EPHA5: variants seen among roughly 807,000 people sequenced by gnomAD.
EPHA5 encodes ephrin type-A receptor 5.
A neutral mutation model predicts 105.0 loss-of-function variants in EPHA5; 60 were observed. The ratio of observed to expected loss-of-function variants is 0.57; its 90% CI spans 0.46 to 0.71. EPHA5 has a LOEUF of 0.71. EPHA5 is among the 30% of genes least tolerant of loss of function. The probability of loss-of-function intolerance (pLI) is 0.00; values close to 1 mark genes in which losing one functional copy is unlikely to be tolerated. For synonymous variants in EPHA5, 513 were observed against 449.1 expected (o/e 1.14, Z -1.80); for missense variants, 1,218 against 1,274.7 (o/e 0.96, Z 0.68).
intron 3 of EPHA5, among the ~76,000 whole-genome samples, chr4:65,559,220 T>C (rs974449422): frequency 6.6e-6 from 1 of 152,204 alleles, no homozygotes; most frequent in Non-Finnish European, 1.5e-5. Context: ...ATGTATTTAT[T>C]GTTCAACAAT....
intron 8 of EPHA5, among the ~76,000 whole-genome samples, chr4:65,397,104 A>G (rs542331248): frequency 4.6e-5 from 7 of 152,334 alleles, no homozygotes; most frequent in South Asian, 4.1e-4. Context: ...CCAATTTGCA[A>G]TGGGGACCAC....
intron 3 of EPHA5, among the ~76,000 whole-genome samples, chr4:65,519,901 T>G (rs575425585): frequency 2.6e-5 from 4 of 152,240 alleles, no homozygotes; most frequent in Non-Finnish European, 5.9e-5. Context: ...TGGAAGAACA[T>G]TCCATGCTCA....
chr4:65,348,045 C>T lies in EPHA5; in HGVS notation c.2595+9G>A, dbSNP rs2148841375. On this transcript the variant is annotated intron_variant, in intron 14 of 16. Coordinates refer to ENST00000613740, the MANE Select transcript of EPHA5 (RefSeq NM_001281766.3). ...TTGTCAAGTTGGGAAAGAGTAGTTC[C>T]ATACTCACATCTTGATTGGTCATCT... The T allele has an allele frequency of 6.3e-7, 1 of 1,594,496 alleles. No homozygotes were observed. Among genetic ancestry groups the T allele is most frequent in the Non-Finnish European group, 8.5e-7 (1 of 1,171,924 alleles).
intron 16 of EPHA5, among the ~76,000 whole-genome samples, chr4:65,328,965 C>A (rs535397770): frequency 2.6e-5 from 4 of 151,362 alleles, no homozygotes; most frequent in Admixed American, 2.0e-4. Flanking sequence ...CTGATGATAA[C>A]AGGAACCTCT....
chr4:65,555,555 T>TAA (rs34149071), intron 3 of EPHA5, among the ~76,000 whole-genome samples: 31,920 of 143,888 alleles, frequency 0.22, 4,199 homozygotes, highest in Middle Eastern at 0.36. Flanking sequence ...AAAATTTTTC[T>TAA]AAAAAAAAAA....
intron 1 of EPHA5, among the ~76,000 whole-genome samples, chr4:65,648,294 C>G (rs1171183432): frequency 6.6e-6 from 1 of 152,170 alleles, no homozygotes; most frequent in African/African-American, 2.4e-5. Context: ...CACTTTGACT[C>G]CACTACTTTA....
chr4:65,503,864 T>TA, intron 3 of EPHA5, among the ~76,000 whole-genome samples: 1 of 151,284 alleles, frequency 6.6e-6, no homozygotes, highest in Admixed American at 6.6e-5. Context: ...TACACATTTT[T>TA]AAAAAGTCAT....
chr4:65,637,247 G>A (rs1747209395), intron 2 of EPHA5, among the ~76,000 whole-genome samples: 1 of 132,506 alleles, frequency 7.5e-6, no homozygotes, highest in Non-Finnish European at 1.6e-5. Context: ...TTTTCAGTTA[G>A]GTCCCTCCAG....
At chr4:65,599,489 T>C (rs1392107867) in intron 3 of EPHA5, among the ~76,000 whole-genome samples, 1 of 152,132 alleles carries the variant, frequency 6.6e-6, no homozygotes, top group Non-Finnish European at 1.5e-5. Context: ...TGAGTCATTC[T>C]ATTACATAAG....
intron 5 of EPHA5, among the ~76,000 whole-genome samples, chr4:65,434,449 T>G (rs1725287121): frequency 6.6e-6 from 1 of 152,138 alleles, no homozygotes; most frequent in Admixed American, 6.6e-5. Flanking sequence ...CTAATATCTT[T>G]ATTATGGATT....
intron 5 of EPHA5, among the ~76,000 whole-genome samples, chr4:65,448,056 C>T (rs977542390): frequency 1.3e-5 from 2 of 150,962 alleles, no homozygotes; most frequent in African/African-American, 2.4e-5. Flanking sequence ...AAAATAATAC[C>T]AATATCAATT....
At chr4:65,470,277 C>T (rs1210062731) in intron 5 of EPHA5, among the ~76,000 whole-genome samples, 1 of 151,628 alleles carries the variant, frequency 6.6e-6, no homozygotes, top group Non-Finnish European at 1.5e-5. Flanking sequence ...ACTGCAACCT[C>T]TGCCTCCAGG....
At chr4:65,396,197 C>T (rs752947989) in intron 8 of EPHA5, among the ~76,000 whole-genome samples, 12 of 152,214 alleles carry the variant, frequency 7.9e-5, no homozygotes, top group Non-Finnish European at 1.8e-4. Flanking sequence ...ACTGTTAAAA[C>T]CTTGCTGGTG....
At chr4:65,406,597 T>A (rs1196057031) in intron 7 of EPHA5, among the ~76,000 whole-genome samples, 1 of 152,118 alleles carries the variant, frequency 6.6e-6, no homozygotes, top group East Asian at 1.9e-4. Context: ...TGTATTTTTG[T>A]TTTTTATCCT....
At chr4:65,578,635 AT>A (rs1741304144) in intron 3 of EPHA5, among the ~76,000 whole-genome samples, 1 of 152,214 alleles carries the variant, frequency 6.6e-6, no homozygotes, top group Non-Finnish European at 1.5e-5. Context: ...GAAACCTTTA[AT>A]TTTTGCAATT....
rs1437550554 is a variant in EPHA5 at position 65,601,875 on chromosome 4, C to T, written c.676G>A (p.Val226Met). The change falls in exon 3 of 17, where the codon GTG becomes ATG. Residue 226 changes from valine (V) to methionine (M), a missense_variant. By Grantham distance (21) the Val-to-Met change is conservative (BLOSUM62 1). Transcript: ENST00000613740. ...GGGCATTTTTTATAGTATACACGCA[C>T]AGAAACCAGAGCAATGCAAGCACCA... ...DVGACIALVS[V>M]RVYYKKCPSV... 7.4e-6 allele frequency: 12 copies of T among 1,614,136 alleles called. No individual in the cohort carries two copies. Among genetic ancestry groups the T allele is most frequent in the Non-Finnish European group, 9.3e-6 (11 of 1,180,010 alleles).
chr4:65,331,311 C>T (rs771181574), intron 16 of EPHA5: 6 of 1,034,582 alleles, frequency 5.8e-6, no homozygotes, highest in Non-Finnish European at 7.0e-6. Flanking sequence ...CAACTTACAA[C>T]CTTAAAGAAC....
intron 5 of EPHA5, among the ~76,000 whole-genome samples, chr4:65,421,339 A>G (rs1402909997): frequency 6.6e-6 from 1 of 152,140 alleles, no homozygotes; most frequent in African/African-American, 2.4e-5. Flanking sequence ...TAACATGTCT[A>G]AAAGACATGG....
At chr4:65,473,905 T>C (rs115435475) in intron 5 of EPHA5, among the ~76,000 whole-genome samples, 4,121 of 144,868 alleles carry the variant, frequency 0.028, 79 homozygotes, top group African/African-American at 0.04. Context: ...TTGTCTGAAA[T>C]AGAAATATTT....
Sources: allele counts gnomAD v4.1 joint callset (sites outside exome capture counted in the v4.1 genomes callset), GRCh38; gene constraint gnomAD v4.1.1; transcripts MANE v1.5; gene names NCBI Gene and HGNC (gene_info 2026-07-23, HGNC 2026-07-21).